Variants in MICAL3 observed in about 807,000 individuals in gnomAD.
MICAL3 encodes the protein [F-actin]-monooxygenase MICAL3.
Under a neutral mutation model 207.4 loss-of-function variants are expected in MICAL3, and 62 were observed. The observed-to-expected ratio is 0.30, with a 90% CI of 0.24 to 0.37. The LOEUF (loss-of-function observed/expected upper bound fraction) is 0.37, where lower values mean the gene tolerates loss of function less well. Among genes scored for constraint, MICAL3 ranks in the 10% least tolerant of loss-of-function variants. The pLI, the probability that MICAL3 is intolerant of heterozygous loss-of-function variation, is 1.00. For synonymous variants in MICAL3, 1,077 were observed against 1,069.3 expected (o/e 1.01, Z -0.14); for missense variants, 2,368 against 2,635.6 (o/e 0.90, Z 2.22).
intron 20 of MICAL3, among the ~76,000 whole-genome samples, chr22:17,838,281 A>G (rs570674580): frequency 5.3e-5 from 8 of 152,350 alleles, no homozygotes; most frequent in Admixed American, 3.9e-4. Context: ...ACTCAGCCCA[A>G]CGTGTTGTGC....
intron 1 of MICAL3, among the ~76,000 whole-genome samples, chr22:17,969,184 C>G (rs186865627): frequency 2.6e-5 from 4 of 152,254 alleles, no homozygotes; most frequent in African/African-American, 9.6e-5. Flanking sequence ...GGATTACAGG[C>G]GTCCGCCACC....
chr22:17,984,993 G>C (rs1419703699), intron 1 of MICAL3, among the ~76,000 whole-genome samples: 1 of 152,134 alleles, frequency 6.6e-6, no homozygotes, highest in Admixed American at 6.5e-5. Context: ...CGGAAAAATG[G>C]AGAGTAAAGC....
intron 1 of MICAL3, among the ~76,000 whole-genome samples, chr22:17,964,993 G>C (rs1178149320): frequency 6.6e-6 from 1 of 152,152 alleles, no homozygotes; most frequent in African/African-American, 2.4e-5. Flanking sequence ...ATCGCTGAAA[G>C]GGCACAGAGC....
chr22:17,807,316 AAATC>A (rs1209878031), intron 29 of MICAL3, among the ~76,000 whole-genome samples: 1 of 152,214 alleles, frequency 6.6e-6, no homozygotes, highest in African/African-American at 2.4e-5. Context: ...TGAGGAGGCC[AAATC>A]AGAGTGCGCA....
intron 1 of MICAL3, among the ~76,000 whole-genome samples, chr22:17,982,439 G>A (rs8140497): frequency 0.048 from 7,344 of 152,318 alleles, 575 homozygotes; most frequent in African/African-American, 0.17. Context: ...CACTTTGGGA[G>A]AGGTGGGTGG....
rs11541674 is a variant in MICAL3, at chr22:17,788,671, C to A, written c.*2061G>T. ...AAAAGAAAAGGAGACCTTTGCCTCACGTGAGAACAGGTGGAGAATCAGCGC... is the reference window on the plus strand; with the variant it reads ...AAAAGAAAAGGAGACCTTTGCCTCAAGTGAGAACAGGTGGAGAATCAGCGC... On this transcript the variant is annotated 3_prime_UTR_variant, in exon 32 of 32. Coordinates refer to ENST00000441493, the MANE Select transcript of MICAL3 (RefSeq NM_015241.3). The A allele has an allele frequency of 0.17, 25,435 of 152,334 alleles. 2,601 individuals are homozygous for A. The highest frequency in any genetic ancestry group is 0.24 in the Non-Finnish European group (16,177 of 68,014). 9.4% of individuals were successfully genotyped at this position (152,334 alleles called of 1,614,324 possible).
chr22:17,899,296 C>A, intron 7 of MICAL3, 152 bp downstream of exon 7: 1 of 702,064 alleles, frequency 1.4e-6, no homozygotes, highest in Non-Finnish European at 2.6e-6. Context: ...AAGAGTTGTT[C>A]ACGCTAAACT....
intron 1 of MICAL3, among the ~76,000 whole-genome samples, chr22:17,963,174 G>C (rs749472823): frequency 6.6e-6 from 1 of 152,040 alleles, no homozygotes. Flanking sequence ...GTGCAGTGGG[G>C]TGATCTCAGC....
At chr22:17,860,905 C>G in intron 19 of MICAL3, 1 of 985,400 alleles carries the variant, frequency 1.0e-6, no homozygotes, top group Non-Finnish European at 1.2e-6. Flanking sequence ...GCTTTAGAAA[C>G]AGCTTCACAA....
intron 23 of MICAL3, among the ~76,000 whole-genome samples, chr22:17,822,687 G>A (rs1047414341): frequency 6.6e-6 from 1 of 152,244 alleles, no homozygotes; most frequent in South Asian, 2.1e-4. Context: ...TTGGGAGCCA[G>A]TCAGCAGAAT....
chr22:17,995,491 ATTTTTTTTTTTTTT>A (rs138357470), intron 1 of MICAL3, among the ~76,000 whole-genome samples: 5 of 77,592 alleles, frequency 6.4e-5, no homozygotes, highest in African/African-American at 2.3e-4. Flanking sequence ...CTTTTCTTTA[ATTTTTTTTTTTTTT>A]TTTTTTTTTT....
Position 17,816,808 on chromosome 22 carries a change from G to A in MICAL3, c.5351-24C>T, listed in dbSNP as rs762926744. On this transcript the variant is annotated intron_variant, in intron 26 of 31. Transcript: ENST00000441493. Reference sequence around the variant, plus strand: ...CTCTGTGGAGAGAGGGAGGCCACGTGAGGACAGCGCCAGACAGCAGGCGCA... The same window carrying A: ...CTCTGTGGAGAGAGGGAGGCCACGTAAGGACAGCGCCAGACAGCAGGCGCA... The A allele has an allele frequency of 1.4e-5, 22 of 1,524,016 alleles. No individual in the cohort carries two copies. In the African/African-American group the frequency reaches 2.6e-4, roughly 18 times the overall value. 94.4% of individuals were successfully genotyped at this position (1,524,016 alleles called of 1,614,324 possible). A position where few individuals can be genotyped will look rare whatever the true frequency, so the allele number is the denominator to read the frequency against.
At chr22:17,953,566 G>A (rs1394886597) in intron 1 of MICAL3, among the ~76,000 whole-genome samples, 1 of 152,090 alleles carries the variant, frequency 6.6e-6, no homozygotes, top group Non-Finnish European at 1.5e-5. Flanking sequence ...GGGCTATAGG[G>A]GACATCAGGG....
Position 17,953,391 on chromosome 22 carries a change from G to A in MICAL3, c.-74-46505C>T, listed in dbSNP as rs890524955. ...CTGAAACAACTTCCGGGCAGTGGGGGTGGGCAATGCAATTTGATGTGAGCC... is the reference window on the plus strand; with the variant it reads ...CTGAAACAACTTCCGGGCAGTGGGGATGGGCAATGCAATTTGATGTGAGCC... On this transcript the variant is annotated intron_variant, in intron 1 of 31. Coordinates refer to ENST00000441493, the MANE Select transcript of MICAL3 (RefSeq NM_015241.3). Among the ~76,000 whole-genome samples the A allele has an allele frequency of 2.0e-5, 3 of 152,128 alleles. No individual in the cohort carries two copies. In the East Asian group the frequency reaches 5.8e-4, roughly 29 times the overall value.
rs150598373 is a variant in MICAL3 at position 17,844,871 on chromosome 22, C to T, written c.2606-2854G>A. 4.7e-3 allele frequency among the ~76,000 whole-genome samples: 711 copies of T among 152,272 alleles called. 1 individual carries two copies. The highest frequency in any genetic ancestry group is 7.9e-3 in the Non-Finnish European group (537 of 68,014). On this transcript the variant is annotated intron_variant, in intron 19 of 31. Transcript: ENST00000441493. ...AGAGGGCAATCCTGATAGATCCGGC[C>T]TCAAGTTTCTCCAAACCTGCCCTCC...
At chr22:17,836,647 GT>G (rs745531683) in intron 20 of MICAL3, among the ~76,000 whole-genome samples, 375 of 141,682 alleles carry the variant, frequency 2.6e-3, no homozygotes, top group African/African-American at 5.3e-3. Flanking sequence ...TTCCTGGGTG[GT>G]TTTTTTTTTT....
At chr22:17,976,587 A>ATTT (rs1204825142) in intron 1 of MICAL3, among the ~76,000 whole-genome samples, 1,394 of 80,226 alleles carry the variant, frequency 0.017, 34 homozygotes, top group East Asian at 0.073. Context: ...ATATATATAT[A>ATTT]TATTTTTTTT....
intron 19 of MICAL3, among the ~76,000 whole-genome samples, chr22:17,853,089 A>G (rs1338923321): frequency 6.6e-6 from 1 of 151,484 alleles, no homozygotes. Context: ...AAAAAAAAAA[A>G]GGAATATTTA....
intron 1 of MICAL3, among the ~76,000 whole-genome samples, chr22:17,955,057 GA>G (rs201176413): frequency 0.029 from 4,348 of 152,248 alleles, 76 homozygotes; most frequent in Middle Eastern, 0.048. Flanking sequence ...CTAGCTGTGT[GA>G]CTTTAATCAA....
Sources: gnomAD v4.1 joint callset for allele counts (sites outside exome capture counted in the v4.1 genomes callset) on GRCh38, gnomAD v4.1.1 for gene constraint, MANE v1.5 for transcripts, NCBI Gene and HGNC (gene_info 2026-07-23, HGNC 2026-07-21) for gene names.